Variants in SETD3 observed in about 807,000 individuals in gnomAD.
The protein encoded by SETD3 is SET domain containing 3, actin N3(tau)-histidine methyltransferase, also known as actin-histidine N-methyltransferase.
In SETD3, 19 loss-of-function variants were observed where a neutral mutation model predicts 63.0. The observed-to-expected ratio is 0.30, with a 90% CI of 0.21 to 0.44. The LOEUF is 0.44. Among genes scored for constraint, SETD3 ranks in the 20% least tolerant of loss-of-function variants. SETD3 has a pLI of 1.00. For missense variants in SETD3, 587 were observed against 728.5 expected (o/e 0.81, Z 2.24); for synonymous variants, 286 against 264.1 (o/e 1.08, Z -0.80).
At position 99,420,812 on chromosome 14, in the gene SETD3, C is replaced by T. The variant is rs550937513; in HGVS notation, c.676-6878G>A. On this transcript the variant is annotated intron_variant, in intron 6 of 12. Coordinates refer to ENST00000331768, the MANE Select transcript of SETD3 (RefSeq NM_032233.3). Reference sequence around the variant, plus strand: ...TGTACCAAATGGTCACCAAATCTCGCCCCACCCCCAACTCACCCCGAACAT... The same window carrying T: ...TGTACCAAATGGTCACCAAATCTCGTCCCACCCCCAACTCACCCCGAACAT... Among the ~76,000 whole-genome samples, 5 of 152,080 alleles carry T rather than the reference C, an allele frequency of 3.3e-5. No individual in the cohort carries two copies. In the South Asian group the frequency reaches 8.3e-4, roughly 25 times the overall value.
chr14:99,403,133 T>C (rs1351481327), intron 11 of SETD3, among the ~76,000 whole-genome samples: 1 of 152,168 alleles, frequency 6.6e-6, no homozygotes, highest in Non-Finnish European at 1.5e-5. Context: ...CTGCGGTTGG[T>C]GTGTGAACTG....
At chr14:99,447,648 C>T (rs1322706976) in intron 6 of SETD3, among the ~76,000 whole-genome samples, 2 of 152,132 alleles carry the variant, frequency 1.3e-5, no homozygotes, top group Middle Eastern at 3.2e-3. Context: ...ATAAAGGCAC[C>T]GGCAACTCTC....
intron 6 of SETD3, among the ~76,000 whole-genome samples, chr14:99,424,204 A>T (rs533456677): frequency 1.3e-5 from 2 of 152,234 alleles, no homozygotes; most frequent in Admixed American, 1.3e-4. Context: ...CATAGATGAG[A>T]AAAGACTTCA....
intron 3 of SETD3, among the ~76,000 whole-genome samples, chr14:99,462,904 CATA>C (rs1349590091): frequency 1.3e-5 from 2 of 152,164 alleles, no homozygotes; most frequent in African/African-American, 2.4e-5. Flanking sequence ...TGTGGTCCTG[CATA>C]ATAATCTTTA....
chr14:99,483,401 AAAT>A (rs1449897207), upstream of SETD3, among the ~76,000 whole-genome samples: 1 of 152,100 alleles, frequency 6.6e-6, no homozygotes, highest in Non-Finnish European at 1.5e-5. Context: ...AAAAATCAAA[AAAT>A]TAGCCAGATG....
At chr14:99,440,049 TCTCCCCACCCTGGC>T (rs1373676745) in intron 6 of SETD3, among the ~76,000 whole-genome samples, 6 of 151,998 alleles carry the variant, frequency 3.9e-5, no homozygotes, top group African/African-American at 1.5e-4. Flanking sequence ...GCTAAAGTGA[TCTCCCCACCCTGGC>T]CTCCCAAAGT....
Position 99,458,397 on chromosome 14 carries a change from G to A in SETD3, c.557C>T (p.Pro186Leu), listed in dbSNP as rs1338435206. 1 of 1,613,998 alleles carries A rather than the reference G, an allele frequency of 6.2e-7. No individual in the cohort carries two copies. Among genetic ancestry groups the A allele is most frequent in the Non-Finnish European group, 8.5e-7 (1 of 1,180,032 alleles). Reference sequence around the variant, plus strand: ...AACTTCATCTTCTTCAAAGTAGAGAGGAGTGTCATATTCACTGGGGAGGGT... The same window carrying A: ...AACTTCATCTTCTTCAAAGTAGAGAAGAGTGTCATATTCACTGGGGAGGGT... ...IQTLPSEYDT[P>L]LYFEEDEVRY... Residue 186 changes from proline (P) to leucine (L), a missense_variant, in exon 6 of 13, where the codon CCT becomes CTT. Pro to Leu is a moderately conservative substitution (Grantham distance 98). Coordinates refer to ENST00000331768, the MANE Select transcript of SETD3 (RefSeq NM_032233.3).
chr14:99,410,246 C>G, intron 8 of SETD3: 1 of 1,613,382 alleles, frequency 6.2e-7, no homozygotes, highest in South Asian at 1.1e-5. Context: ...AGAGGTGAGT[C>G]AGACCTGTGT....
intron 9 of SETD3, 74 bp downstream of exon 9, chr14:99,406,442 T>TA: frequency 7.3e-7 from 1 of 1,369,364 alleles, no homozygotes; most frequent in Non-Finnish European, 1.0e-6. Flanking sequence ...AGTTCCTTTT[T>TA]AAGATTACCA....
rs547763670 is a variant in SETD3, at chr14:99,478,422, C to A, written c.-9+2306G>T. Among the ~76,000 whole-genome samples the A allele has an allele frequency of 5.8e-3, 888 of 152,280 alleles. 8 individuals carry two copies. The highest frequency in any genetic ancestry group is 0.02 in the African/African-American group (840 of 41,548). On this transcript the variant is annotated intron_variant, in intron 1 of 12. Coordinates refer to ENST00000331768, the MANE Select transcript of SETD3 (RefSeq NM_032233.3). ...ACCAGTCTCTAAAGATAAATAACCT[C>A]TCAGAGAAGGATATTCATCCAACTA...
At chr14:99,429,024 A>C (rs1384328399) in intron 6 of SETD3, among the ~76,000 whole-genome samples, 1 of 152,150 alleles carries the variant, frequency 6.6e-6, no homozygotes, top group Non-Finnish European at 1.5e-5. Context: ...TTTAATTATG[A>C]ACTTCTGGGT....
At chr14:99,455,581 T>C (rs1308650067) in intron 6 of SETD3, among the ~76,000 whole-genome samples, 1 of 152,166 alleles carries the variant, frequency 6.6e-6, no homozygotes, top group Non-Finnish European at 1.5e-5. Context: ...TGGAATCAGC[T>C]AACGAGAAGA....
At chr14:99,454,120 C>T (rs1894619558) in intron 6 of SETD3, among the ~76,000 whole-genome samples, 1 of 152,104 alleles carries the variant, frequency 6.6e-6, no homozygotes, top group Non-Finnish European at 1.5e-5. Context: ...CAAACATTAT[C>T]ATTTGCATGA....
chr14:99,482,507 C>G (rs1322198790), upstream of SETD3, among the ~76,000 whole-genome samples: 5 of 152,192 alleles, frequency 3.3e-5, no homozygotes, highest in African/African-American at 1.2e-4. Flanking sequence ...AGGATGCTTA[C>G]CTGTTAAATA....
At position 99,400,170 on chromosome 14, in the gene SETD3, C is replaced by T; in HGVS notation, c.1267G>A (p.Glu423Lys). The change falls in exon 12 of 13, where the codon GAG (glutamate) becomes AAG (lysine). Residue 423 changes from glutamate to lysine, a missense_variant. Glu to Lys is a moderately conservative substitution (Grantham distance 56). Coordinates refer to ENST00000331768, the MANE Select transcript of SETD3 (RefSeq NM_032233.3). ...TCAAGAAATGTCCAAAGTTTGACCT[C>T]GTTGTCCCAGCTAACAGGAAATTCC... Reference protein sequence around the residue: ...NSEFPVSWDNEVKLWTFLEDR... With the variant: ...NSEFPVSWDNKVKLWTFLEDR... 6.2e-7 allele frequency: 1 copy of T among 1,614,150 alleles called. No individual in the cohort carries two copies.
chr14:99,459,065 A>G, intron 5 of SETD3, 48 bp downstream of exon 5: 1 of 1,411,192 alleles, frequency 7.1e-7, no homozygotes, highest in South Asian at 1.2e-5. Flanking sequence ...AATTTTACAT[A>G]TTTTTGTCAT....
Position 99,398,111 on chromosome 14 carries a change from CA to C in SETD3, c.*567del, listed in dbSNP as rs1285389419. On this transcript the variant is annotated 3_prime_UTR_variant, in exon 13 of 13. Coordinates refer to ENST00000331768, the MANE Select transcript of SETD3 (RefSeq NM_032233.3). ...TATATAATTAGGATTATCATCATTT[CA>C]AACTATTAAAAATAAGGTTGCCACC... is the stretch of plus-strand genomic sequence containing the variant. 1.3e-5 allele frequency: 2 copies of C among 152,444 alleles called. No homozygotes were observed. Among genetic ancestry groups the C allele is most frequent in the Admixed American group, 1.3e-4 (2 of 15,262 alleles). The allele number at this position is 152,444 out of a possible 1,614,324, so 9.4% of individuals were successfully genotyped here.
intron 1 of SETD3, among the ~76,000 whole-genome samples, chr14:99,478,292 C>T (rs1896076678): frequency 6.6e-6 from 1 of 152,200 alleles, no homozygotes; most frequent in South Asian, 2.1e-4. Context: ...AACAAAGTCA[C>T]CACTCCATTC....
chr14:99,423,039 C>A (rs1449335795), intron 6 of SETD3, among the ~76,000 whole-genome samples: 1 of 152,158 alleles, frequency 6.6e-6, no homozygotes, highest in Non-Finnish European at 1.5e-5. Context: ...CTCTATTCCC[C>A]ACGCTCAAAG....
Sources: allele counts gnomAD v4.1 joint callset (sites outside exome capture counted in the v4.1 genomes callset), GRCh38; gene constraint gnomAD v4.1.1; transcripts MANE v1.5; gene names NCBI Gene and HGNC (gene_info 2026-07-23, HGNC 2026-07-21).